The following TOX2 variants were observed in gnomAD, a reference collection of about 807,000 sequenced individuals.
The protein encoded by TOX2 is granulosa cell HMG box 1.
A neutral mutation model predicts 47.4 loss-of-function variants in TOX2; 15 were observed. That is an observed-to-expected ratio of 0.32 (90% CI 0.21 to 0.49). The LOEUF (loss-of-function observed/expected upper bound fraction) is 0.49. TOX2 is among the 20% of genes least tolerant of loss of function. TOX2 has a pLI of 0.99. For missense variants in TOX2, 622 were observed against 673.1 expected, an observed-to-expected ratio of 0.92 and a Z score of 0.84; for synonymous variants, 290 against 296.6, an observed-to-expected ratio of 0.98 and a Z score of 0.23.
At position 43,914,864 on chromosome 20, in the gene TOX2, AGCCGCC is replaced by A. The variant is rs904066729; in HGVS notation, c.-13_-8del. The A allele has an allele frequency of 2.3e-5, 22 of 947,608 alleles. No homozygotes were observed. Among genetic ancestry groups the A allele is most frequent in the Non-Finnish European group, 2.4e-5 (19 of 797,310 alleles). The allele number at this position is 947,608 out of a possible 1,614,324, so 58.7% of individuals were successfully genotyped here. A position where few individuals can be genotyped will look rare whatever the true frequency, so the allele number is the denominator to read the frequency against. ...CGCCCGCCCAGGCACTGCCCGCGGG[AGCCGCC>A]GCCGCCGCCGCCGCGCCCGCCATGG... On this transcript the variant is annotated 5_prime_UTR_variant, in exon 1 of 9. Transcript: ENST00000341197. The surrounding 1 kb of genome is among the most constrained non-coding windows in gnomAD (Gnocchi z 4.5).
At chr20:44,031,655 A>C (rs544979623) in intron 3 of TOX2, among the ~76,000 whole-genome samples, 5 of 152,228 alleles carry the variant, frequency 3.3e-5, no homozygotes, top group African/African-American at 1.2e-4. Context: ...ACCCAAAAGC[A>C]CTTGCTGGAG....
intron 1 of TOX2, among the ~76,000 whole-genome samples, chr20:43,968,094 G>A (rs548494399): frequency 3.9e-4 from 60 of 152,140 alleles, no homozygotes; most frequent in African/African-American, 1.2e-3. Context: ...TCACCCGTCC[G>A]TCATCTGCCG....
At chr20:43,924,342 T>C (rs1328348861) in intron 1 of TOX2, among the ~76,000 whole-genome samples, 1 of 150,788 alleles carries the variant, frequency 6.6e-6, no homozygotes, top group African/African-American at 2.5e-5. Context: ...GGAAGACAAA[T>C]GGTAATTAAT....
Position 44,066,112 on chromosome 20 carries a change from G to T in TOX2, c.1356+5G>T. On this transcript the variant is annotated splice_donor_5th_base_variant and intron_variant, in intron 7 of 8. Coordinates refer to ENST00000341197, the MANE Select transcript of TOX2 (RefSeq NM_001098797.2). Reference sequence around the variant, plus strand: ...CCCTCACCTCCAGGGCCACAGGTAAGCAGGGAAGAGCAGAACAGCCCTTCT... The same window carrying T: ...CCCTCACCTCCAGGGCCACAGGTAATCAGGGAAGAGCAGAACAGCCCTTCT... 6.5e-7 allele frequency: 1 copy of T among 1,531,940 alleles called. No homozygotes were observed. The allele number at this position is 1,531,940 out of a possible 1,614,324, so 94.9% of individuals were successfully genotyped here.
intron 3 of TOX2, among the ~76,000 whole-genome samples, chr20:44,026,228 G>GATATATATATAT (rs6147358): frequency 0.025 from 1,500 of 60,054 alleles, 152 homozygotes; most frequent in Non-Finnish European, 0.03. Context: ...AAGAAACTGT[G>GATATATATATAT]ATATATATAT....
In TOX2 at chr20:43,961,751, C is replaced by T. The variant is rs1020819899; in HGVS notation, c.100-11616C>T. Among the ~76,000 whole-genome samples the T allele has an allele frequency of 3.3e-5, 5 of 151,996 alleles. 1 individual carries two copies. Among genetic ancestry groups the T allele is most frequent in the South Asian group, 4.1e-4 (2 of 4,828 alleles). On this transcript the variant is annotated intron_variant, in intron 1 of 8. Transcript: ENST00000341197. The stretch of plus-strand genomic sequence containing the variant: ...CTGGAGAGGTCCATGGGCCTGGCTT[C>T]GATGAGACTCTGGGGACGTGGGGAG...
At chr20:43,980,703 G>A (rs1201871352) in intron 2 of TOX2, among the ~76,000 whole-genome samples, 1 of 152,040 alleles carries the variant, frequency 6.6e-6, no homozygotes, top group African/African-American at 2.4e-5. Flanking sequence ...ACATACTCAA[G>A]GGAACCATAA....
At chr20:43,937,092 G>A (rs769342252) in intron 1 of TOX2, among the ~76,000 whole-genome samples, 1 of 152,184 alleles carries the variant, frequency 6.6e-6, no homozygotes, top group Non-Finnish European at 1.5e-5. Flanking sequence ...GCCACACAGG[G>A]CCGGGAGACC....
chr20:43,986,167 A>G (rs1159361467), intron 2 of TOX2, among the ~76,000 whole-genome samples: 1 of 152,172 alleles, frequency 6.6e-6, no homozygotes, highest in African/African-American at 2.4e-5. Context: ...GAGCAGTTGT[A>G]GTTTTATTGT....
intron 1 of TOX2, among the ~76,000 whole-genome samples, chr20:43,945,519 G>A (rs577119516): frequency 1.3e-5 from 2 of 152,338 alleles, no homozygotes; most frequent in Admixed American, 6.5e-5. Context: ...GAATGAAAGG[G>A]CATGCAAGTT....
intron 1 of TOX2, among the ~76,000 whole-genome samples, chr20:43,966,348 G>C (rs1191985732): frequency 1.3e-5 from 2 of 152,200 alleles, no homozygotes; most frequent in African/African-American, 4.8e-5. Context: ...AAGCAAGCAA[G>C]ACAGTGTTAA....
intron 5 of TOX2, among the ~76,000 whole-genome samples, 160 bp from the exon 6 acceptor site, chr20:44,064,617 C>G (rs893526273): frequency 6.6e-6 from 1 of 152,178 alleles, no homozygotes; most frequent in Middle Eastern, 3.2e-3. Context: ...TTCTCTGCAG[C>G]GCTCCCAGAA....
At chr20:43,934,136 G>GGGGAGA (rs111694860) in intron 1 of TOX2, among the ~76,000 whole-genome samples, 1 of 122,084 alleles carries the variant, frequency 8.2e-6, no homozygotes, top group Non-Finnish European at 1.7e-5. Flanking sequence ...CCCAAGGTAA[G>GGGGAGA]GAGAGAGAGA....
At position 44,069,297 on chromosome 20, in the gene TOX2, G is replaced by A. The variant is rs1011735017; in HGVS notation, c.*611G>A. The A allele has an allele frequency of 1.1e-5, 2 of 175,902 alleles. No individual in the cohort carries two copies. Among genetic ancestry groups the A allele is most frequent in the South Asian group, 1.2e-4 (1 of 8,634 alleles). The allele number at this position is 175,902 out of a possible 1,614,324, so 10.9% of individuals were successfully genotyped here. ...TTTTAAGTTTTATCTTAAGGGAGAC[G>A]CGCACAAAAGCGGCTGCCAAACCGT... On this transcript the variant is annotated 3_prime_UTR_variant, in exon 9 of 9. Transcript: ENST00000341197.
At position 44,066,876 on chromosome 20, in the gene TOX2, C is replaced by T. The variant is rs755425747; in HGVS notation, c.1484+19C>T. On this transcript the variant is annotated intron_variant, in intron 8 of 8. Transcript: ENST00000341197. ...CCTGCAGGTTAGTCCTCGCCCGTCC[C>T]TGCCTTTGTCCTGCCAGCCAGGGAG... is the stretch of plus-strand genomic sequence containing the variant. 3.1e-6 allele frequency: 5 copies of T among 1,603,890 alleles called. No individual in the cohort carries two copies. In the East Asian group the frequency reaches 8.9e-5, roughly 29 times the overall value.
chr20:44,017,143 G>A (rs879773814), intron 3 of TOX2, among the ~76,000 whole-genome samples: 4 of 152,316 alleles, frequency 2.6e-5, no homozygotes, highest in Non-Finnish European at 5.9e-5. Flanking sequence ...ATTAATTACT[G>A]AATGAATGGG....
intron 3 of TOX2, among the ~76,000 whole-genome samples, chr20:44,050,887 C>G (rs1286744416): frequency 6.6e-6 from 1 of 152,132 alleles, no homozygotes; most frequent in Non-Finnish European, 1.5e-5. Flanking sequence ...ATGGCAGGAC[C>G]AGGATTCAAA....
intron 1 of TOX2, among the ~76,000 whole-genome samples, chr20:43,946,435 G>A (rs1439811077): frequency 6.6e-6 from 1 of 152,172 alleles, no homozygotes; most frequent in Non-Finnish European, 1.5e-5. Flanking sequence ...GAGCCCAGAA[G>A]ATACCTGGGC....
chr20:44,042,289 T>C (rs375911552), intron 3 of TOX2, among the ~76,000 whole-genome samples: 20 of 152,318 alleles, frequency 1.3e-4, no homozygotes, highest in African/African-American at 4.1e-4. Flanking sequence ...TTACCTCCCA[T>C]TGGGTCCCTC....
Sources: gnomAD v4.1 joint callset for allele counts (sites outside exome capture counted in the v4.1 genomes callset) on GRCh38, gnomAD v4.1.1 for gene constraint, Gnocchi (gnomAD v3.1) non-coding constraint, MANE v1.5 for transcripts, NCBI Gene and HGNC (gene_info 2026-07-23, HGNC 2026-07-21) for gene names.